TRPM3: variants seen among roughly 807,000 people sequenced by gnomAD.
TRPM3 encodes the protein long transient receptor potential channel 3.
A neutral mutation model predicts 181.2 loss-of-function variants in TRPM3; 77 were observed. That is an observed-to-expected ratio of 0.42 (90% CI 0.35 to 0.51). The LOEUF is 0.51. TRPM3 is among the 20% of genes least tolerant of loss of function. TRPM3 has a pLI of 0.01. For missense variants in TRPM3, 1,759 were observed against 2,196.7 expected, an observed-to-expected ratio of 0.80 and a Z score of 3.98; for synonymous variants, 745 against 796.4, an observed-to-expected ratio of 0.94 and a Z score of 1.09.
intron 9 of TRPM3, among the ~76,000 whole-genome samples, chr9:70,680,278 G>A (rs1365129455): frequency 6.6e-6 from 1 of 152,136 alleles, no homozygotes. Flanking sequence ...ATTAAAAATA[G>A]CTCCTATATC....
chr9:70,838,606 G>A (rs1269472080), intron 5 of TRPM3, among the ~76,000 whole-genome samples: 1 of 152,170 alleles, frequency 6.6e-6, no homozygotes, highest in Non-Finnish European at 1.5e-5. Flanking sequence ...GGTGAAGTTA[G>A]TCAGGAAAGA....
chr9:70,851,470 A>G lies in TRPM3; in HGVS notation c.463-4879T>C, dbSNP rs535688636. Among the ~76,000 whole-genome samples the G allele has an allele frequency of 9.8e-5, 15 of 152,362 alleles. No individual in the cohort carries two copies. In the South Asian group the frequency reaches 3.1e-3, roughly 32 times the overall value. Reference sequence around the variant, plus strand: ...TTTTTAGGAATAAGCCTCCCTTGATAGATAATTTACTTTAGGACTTCTATG... The same window carrying G: ...TTTTTAGGAATAAGCCTCCCTTGATGGATAATTTACTTTAGGACTTCTATG... On this transcript the variant is annotated intron_variant, in intron 3 of 25. Coordinates refer to ENST00000677713, the MANE Select transcript of TRPM3 (RefSeq NM_001366145.2).
chr9:71,416,378 A>G (rs2093637367), intron 1 of TRPM3, among the ~76,000 whole-genome samples: 1 of 151,944 alleles, frequency 6.6e-6, no homozygotes, highest in Admixed American at 6.6e-5. Context: ...ACCATCTAAA[A>G]TGATAGTTTT....
rs140923559 is a variant in TRPM3 at position 70,822,548 on chromosome 9, G to A, written c.973+5299C>T. On this transcript the variant is annotated intron_variant, in intron 6 of 25. Coordinates refer to ENST00000677713, the MANE Select transcript of TRPM3 (RefSeq NM_001366145.2). ...TGGCCACTAGGGGTTGGGGGAGGGG[G>A]TAATGTGTAATGGGGAGTTAGTGTT... Among the ~76,000 whole-genome samples the A allele has an allele frequency of 5.8e-3, 890 of 152,166 alleles. 8 individuals carry two copies. Among genetic ancestry groups the A allele is most frequent in the Non-Finnish European group, 9.6e-3 (654 of 68,002 alleles).
In TRPM3 at chr9:71,418,723, C is replaced by T. The variant is rs555650236; in HGVS notation, c.183+27930G>A. The stretch of plus-strand genomic sequence containing the variant: ...AACTTAAAAGGATTCCTAAAAGGCT[C>T]AAAGGATACTATATATATATATATC... On this transcript the variant is annotated intron_variant, in intron 1 of 24. Transcript: ENST00000357533. Among the ~76,000 whole-genome samples, 242 of 148,694 alleles carry T rather than the reference C, an allele frequency of 1.6e-3. 1 individual carries two copies. Among genetic ancestry groups the T allele is most frequent in the African/African-American group, 5.7e-3 (230 of 40,584 alleles).
intron 1 of TRPM3, among the ~76,000 whole-genome samples, chr9:71,371,274 G>A (rs1324795818): frequency 6.6e-6 from 1 of 152,178 alleles, no homozygotes; most frequent in Admixed American, 6.5e-5. Flanking sequence ...AACTGCCACA[G>A]ATTGTGATTT....
Position 70,536,531 on chromosome 9 carries a change from G to C in TRPM3, c.4582C>G (p.Pro1528Ala). 4 of 1,614,170 alleles carry C rather than the reference G, an allele frequency of 2.5e-6. No individual in the cohort carries two copies. The highest frequency in any genetic ancestry group is 3.4e-6 in the Non-Finnish European group (4 of 1,180,034). ...ATAAAGCTATGAGATTTCACAATGG[G>C]AGCCTCTTCTAGAAGAAAGGGTGTG... Reference protein sequence around the residue: ...ATTPFLLEEAPIVKSHSFMFS... With the variant: ...ATTPFLLEEAAIVKSHSFMFS... Residue 1528 changes from proline to alanine, a missense_variant, in exon 26 of 26, where the codon CCC becomes GCC. This residue lies in a region of TRPM3 where 612 missense variants were observed against 590.0 expected (regional missense o/e 1.04). Coordinates refer to ENST00000677713, the MANE Select transcript of TRPM3 (RefSeq NM_001366145.2).
rs143678931 is a variant in TRPM3, at chr9:70,973,490, T to C, written c.178-108979A>G. ...TACACTTTATGAGACATTTGCTTTT[T>C]TTTCTGAGTTTGTCTAGGTATCTAA... On this transcript the variant is annotated intron_variant, in intron 1 of 25. Transcript: ENST00000677713. Among the ~76,000 whole-genome samples, 8 of 152,348 alleles carry C rather than the reference T, an allele frequency of 5.3e-5. No individual in the cohort carries two copies. The East Asian group carries it at 1.5e-3, about 29-fold the overall frequency.
At position 70,665,355 on chromosome 9, in the gene TRPM3, G is replaced by A. The variant is rs1395390374; in HGVS notation, c.1345+16151C>T. On this transcript the variant is annotated intron_variant, in intron 9 of 25. Coordinates refer to ENST00000677713, the MANE Select transcript of TRPM3 (RefSeq NM_001366145.2). ...CTCACAAAGTCAGATAATTAAATAT[G>A]TCTGTCTCCTTGGTGATCTTGGCCA... is the stretch of plus-strand genomic sequence containing the variant. Among the ~76,000 whole-genome samples the A allele has an allele frequency of 5.9e-5, 9 of 152,226 alleles. No individual in the cohort carries two copies. In the East Asian group the frequency reaches 1.4e-3, roughly 23 times the overall value.
At chr9:71,336,077 G>GA (rs765589954) in intron 1 of TRPM3, among the ~76,000 whole-genome samples, 42 of 151,092 alleles carry the variant, frequency 2.8e-4, no homozygotes, top group Non-Finnish European at 5.7e-4. Context: ...AAGCTAGCCT[G>GA]AAAAATAACC....
intron 1 of TRPM3, among the ~76,000 whole-genome samples, chr9:71,270,010 T>C (rs1175625766): frequency 6.6e-6 from 1 of 152,206 alleles, no homozygotes; most frequent in African/African-American, 2.4e-5. Flanking sequence ...TGTTTAGTAT[T>C]GCAATTTTAC....
At chr9:70,561,507 G>C (rs115423732) in intron 22 of TRPM3, among the ~76,000 whole-genome samples, 2,195 of 152,226 alleles carry the variant, frequency 0.014, 52 homozygotes, top group African/African-American at 0.049. Context: ...TTCAGTAGGT[G>C]ACTGCCAATA....
chr9:70,874,575 T>C (rs900005152), intron 1 of TRPM3, among the ~76,000 whole-genome samples: 4 of 151,992 alleles, frequency 2.6e-5, no homozygotes, highest in Admixed American at 6.6e-5. Flanking sequence ...CATAATGTCA[T>C]GATTTAAGTC....
intron 1 of TRPM3, among the ~76,000 whole-genome samples, chr9:70,936,193 T>A (rs2096827133): frequency 6.6e-6 from 1 of 152,204 alleles, no homozygotes; most frequent in Non-Finnish European, 1.5e-5. Flanking sequence ...GTTTAATAAA[T>A]GCAGTAAATG....
Position 70,840,569 on chromosome 9 carries a change from A to G in TRPM3, c.801+2434T>C, listed in dbSNP as rs1326313555. Among the ~76,000 whole-genome samples, 4 of 152,136 alleles carry G rather than the reference A, an allele frequency of 2.6e-5. No homozygotes were observed. In the East Asian group the frequency reaches 5.8e-4, roughly 22 times the overall value. ...ATGTCAGTAAGTCCCATTGGAATGCATAAGTTTCTAGTTGCATACAACCAA... is the reference window on the plus strand; with the variant it reads ...ATGTCAGTAAGTCCCATTGGAATGCGTAAGTTTCTAGTTGCATACAACCAA... On this transcript the variant is annotated intron_variant, in intron 5 of 25. Coordinates refer to ENST00000677713, the MANE Select transcript of TRPM3 (RefSeq NM_001366145.2).
intron 8 of TRPM3, 152 bp downstream of exon 8, chr9:70,761,449 G>C (rs954751947): frequency 1.4e-5 from 13 of 957,268 alleles, no homozygotes; most frequent in Non-Finnish European, 2.0e-5. Context: ...TAGTTACTTA[G>C]GAGAGGAAGC....
chr9:71,186,781 T>C (rs1344359561), intron 1 of TRPM3, among the ~76,000 whole-genome samples: 1 of 152,082 alleles, frequency 6.6e-6, no homozygotes, highest in Non-Finnish European at 1.5e-5. Context: ...CTATAAAATC[T>C]TCAAGTTTTT....
intron 1 of TRPM3, among the ~76,000 whole-genome samples, chr9:71,205,867 T>C (rs1021462916): frequency 6.6e-6 from 1 of 152,156 alleles, no homozygotes; most frequent in Non-Finnish European, 1.5e-5. Flanking sequence ...ATCCCTGTGT[T>C]TGCACACTGT....
In TRPM3 at chr9:70,924,130, G is replaced by C. The variant is rs138797130; in HGVS notation, c.178-59619C>G. Among the ~76,000 whole-genome samples the C allele has an allele frequency of 4.1e-3, 618 of 152,064 alleles. 1 individual carries two copies. The highest frequency in any genetic ancestry group is 6.8e-3 in the Non-Finnish European group (465 of 67,976). On this transcript the variant is annotated intron_variant, in intron 1 of 25. Coordinates refer to ENST00000677713, the MANE Select transcript of TRPM3 (RefSeq NM_001366145.2). ...TTTGGTTGTTCCTTGTGGGTGAAATGGTGCTGCTGACATTTGGCTAGAGGC... is the reference window on the plus strand; with the variant it reads ...TTTGGTTGTTCCTTGTGGGTGAAATCGTGCTGCTGACATTTGGCTAGAGGC...
Sources: gnomAD v4.1 joint callset for allele counts (sites outside exome capture counted in the v4.1 genomes callset) on GRCh38, gnomAD v4.1.1 for gene constraint, gnomAD v4.1.1 regional missense constraint, MANE v1.5 for transcripts, NCBI Gene and HGNC (gene_info 2026-07-23, HGNC 2026-07-21) for gene names.